The following TMEM132D variants were observed in gnomAD, a reference collection of about 807,000 sequenced individuals.
TMEM132D encodes the protein transmembrane protein 132D, also known as mature OL transmembrane protein.
Under a neutral mutation model 62.3 loss-of-function variants are expected in TMEM132D, and 21 were observed. The ratio of observed to expected loss-of-function variants is 0.34; its 90% CI spans 0.24 to 0.49. The LOEUF (loss-of-function observed/expected upper bound fraction) is 0.49, where lower values mean the gene tolerates loss of function less well. TMEM132D is among the 20% of genes least tolerant of loss of function. The pLI, the probability that TMEM132D is intolerant of heterozygous loss-of-function variation, is 0.99. For missense variants in TMEM132D, 1,346 were observed against 1,402.8 expected (o/e 0.96, Z 0.65); for synonymous variants, 621 against 575.6 (o/e 1.08, Z -1.13).
At chr12:129,494,793 C>T (rs1396160653) in intron 3 of TMEM132D, among the ~76,000 whole-genome samples, 2 of 152,122 alleles carry the variant, frequency 1.3e-5, no homozygotes, top group East Asian at 3.9e-4. Flanking sequence ...TGATCCAATC[C>T]TTACCTACCT....
At chr12:129,250,165 C>G (rs1032680105) in intron 4 of TMEM132D, among the ~76,000 whole-genome samples, 1 of 152,102 alleles carries the variant, frequency 6.6e-6, no homozygotes, top group Non-Finnish European at 1.5e-5. Flanking sequence ...TAGCAAATAC[C>G]CCAATTACAG....
rs1487947777 is a variant in TMEM132D, at chr12:129,796,058, G to A, written c.80-95360C>T. 2.0e-5 allele frequency among the ~76,000 whole-genome samples: 3 copies of A among 152,114 alleles called. No individual in the cohort carries two copies. In the East Asian group the frequency reaches 5.8e-4, roughly 29 times the overall value. Reference sequence around the variant, plus strand: ...TCCCTTTAAAAATTAAAGAGGGCCAGGTGCGGTGGCTCACACCTTTAATCC... The same window carrying A: ...TCCCTTTAAAAATTAAAGAGGGCCAAGTGCGGTGGCTCACACCTTTAATCC... On this transcript the variant is annotated intron_variant, in intron 1 of 8. Transcript: ENST00000422113.
intron 3 of TMEM132D, among the ~76,000 whole-genome samples, chr12:129,351,015 G>A (rs778009324): frequency 3.9e-5 from 6 of 152,170 alleles, no homozygotes; most frequent in African/African-American, 1.2e-4. Context: ...TGAAACCCAC[G>A]ATATAGGATG....
intron 5 of TMEM132D, among the ~76,000 whole-genome samples, chr12:129,175,941 C>T (rs1877892734): frequency 6.6e-6 from 1 of 152,154 alleles, no homozygotes; most frequent in Non-Finnish European, 1.5e-5. Context: ...TCCACATTAC[C>T]CTTGCATACT....
intron 2 of TMEM132D, among the ~76,000 whole-genome samples, chr12:129,651,134 T>A (rs563366177): frequency 4.6e-5 from 7 of 152,350 alleles, no homozygotes; most frequent in African/African-American, 1.7e-4. Context: ...TGTTATCATG[T>A]CTGTGTGTGT....
chr12:129,251,357 CAAAAAAA>C (rs59666716), intron 4 of TMEM132D, among the ~76,000 whole-genome samples: 2 of 79,780 alleles, frequency 2.5e-5, no homozygotes, highest in Non-Finnish European at 2.3e-5. Context: ...GACACTGTCT[CAAAAAAA>C]AAAAAAAAAA....
chr12:129,154,968 A>G (rs1332192454), intron 5 of TMEM132D, among the ~76,000 whole-genome samples: 1 of 152,250 alleles, frequency 6.6e-6, no homozygotes, highest in Non-Finnish European at 1.5e-5. Context: ...GCATTACAGG[A>G]TCAAGATCAG....
At chr12:129,695,499 G>A (rs78230377) in intron 2 of TMEM132D, among the ~76,000 whole-genome samples, 2,130 of 152,266 alleles carry the variant, frequency 0.014, 87 homozygotes, top group South Asian at 0.093. Context: ...GGGTAACAAC[G>A]GGATGTACAA....
intron 3 of TMEM132D, among the ~76,000 whole-genome samples, chr12:129,381,514 T>C (rs2135687385): frequency 6.6e-6 from 1 of 152,316 alleles, no homozygotes; most frequent in East Asian, 1.9e-4. Context: ...TGCCATCTCA[T>C]AGGTAAATTT....
intron 4 of TMEM132D, among the ~76,000 whole-genome samples, chr12:129,289,365 G>A (rs940016131): frequency 1.3e-5 from 2 of 151,858 alleles, no homozygotes; most frequent in Admixed American, 1.3e-4. Flanking sequence ...CCAACGTGGT[G>A]AAACTCCGTC....
chr12:129,116,423 G>A (rs1488851877), intron 5 of TMEM132D, among the ~76,000 whole-genome samples: 4 of 152,038 alleles, frequency 2.6e-5, no homozygotes, highest in Non-Finnish European at 4.4e-5. Flanking sequence ...AAAAGCAAAC[G>A]TTTAGAAAGA....
chr12:129,082,349 A>G (rs1386661769), intron 6 of TMEM132D, among the ~76,000 whole-genome samples: 1 of 152,134 alleles, frequency 6.6e-6, no homozygotes, highest in East Asian at 1.9e-4. Flanking sequence ...TCCAATGAAA[A>G]AGTTATGGCA....
At chr12:129,699,683 G>A (rs1366628670) in intron 2 of TMEM132D, 127 bp downstream of exon 2, 1 of 1,207,808 alleles carries the variant, frequency 8.3e-7, no homozygotes, top group African/African-American at 1.5e-5. Context: ...TGCAGATGGA[G>A]TTTGTAAGAA....
chr12:129,181,058 G>C (rs1057420253), intron 5 of TMEM132D, among the ~76,000 whole-genome samples: 14 of 152,140 alleles, frequency 9.2e-5, no homozygotes, highest in African/African-American at 3.4e-4. Context: ...GAAGGTGGTG[G>C]CTGGACTCAG....
At chr12:129,823,372 A>G (rs890151554) in intron 1 of TMEM132D, among the ~76,000 whole-genome samples, 3 of 152,222 alleles carry the variant, frequency 2.0e-5, no homozygotes, top group East Asian at 3.8e-4. Flanking sequence ...CCAGACTCCT[A>G]GAAGAAAAGC....
At chr12:129,154,069 A>T (rs1449129198) in intron 5 of TMEM132D, among the ~76,000 whole-genome samples, 1 of 152,206 alleles carries the variant, frequency 6.6e-6, no homozygotes, top group Non-Finnish European at 1.5e-5. Context: ...TTTGTGACAC[A>T]GGCGTTTCAT....
At chr12:129,628,943 C>T (rs989899225) in intron 2 of TMEM132D, among the ~76,000 whole-genome samples, 2 of 151,436 alleles carry the variant, frequency 1.3e-5, no homozygotes, top group African/African-American at 4.9e-5. Context: ...TCTCTCTCCT[C>T]TCTTTCTCTC....
At chr12:129,337,305 A>T (rs1232129182) in intron 4 of TMEM132D, among the ~76,000 whole-genome samples, 2 of 152,186 alleles carry the variant, frequency 1.3e-5, no homozygotes, top group African/African-American at 2.4e-5. Context: ...ATCATATGCT[A>T]CAAACACATC....
intron 2 of TMEM132D, among the ~76,000 whole-genome samples, chr12:129,563,246 TG>T (rs2137114662): frequency 6.6e-6 from 1 of 152,356 alleles, no homozygotes; most frequent in East Asian, 1.9e-4. Flanking sequence ...CGTCTTCTCT[TG>T]TCCATTTTCA....
Sources: allele counts gnomAD v4.1 joint callset (sites outside exome capture counted in the v4.1 genomes callset), GRCh38; gene constraint gnomAD v4.1.1; transcripts MANE v1.5; gene names NCBI Gene and HGNC (gene_info 2026-07-23, HGNC 2026-07-21).